Variants in SRRM4 observed in about 807,000 individuals in gnomAD.
SRRM4 encodes serine/arginine repetitive matrix 4.
A neutral mutation model predicts 68.9 loss-of-function variants in SRRM4; 33 were observed. That is an observed-to-expected ratio of 0.48 (90% CI 0.36 to 0.64). The LOEUF is 0.64. Ranked by LOEUF, SRRM4 falls within the 30% of genes least tolerant of loss-of-function variation. The pLI is 0.00. For missense variants in SRRM4, 817 were observed against 827.1 expected (o/e 0.99, Z 0.15); for synonymous variants, 318 against 318.8 (o/e 1.00, Z 0.03).
At chr12:119,123,693 A>T (rs1038167896) in intron 6 of SRRM4, among the ~76,000 whole-genome samples, 1 of 152,240 alleles carries the variant, frequency 6.6e-6, no homozygotes, top group African/African-American at 2.4e-5. Flanking sequence ...TTCAAGATAA[A>T]CGATGGCTTA....
intron 1 of SRRM4, among the ~76,000 whole-genome samples, chr12:119,052,730 G>A (rs576289872): frequency 1.6e-4 from 24 of 152,110 alleles, no homozygotes; most frequent in East Asian, 3.9e-4. Context: ...GGGTTTCACC[G>A]TGTTAGCCAG....
Position 119,145,245 on chromosome 12 carries a change from G to C in SRRM4, c.772-136G>C, listed in dbSNP as rs1954393606. 4 of 761,322 alleles carry C rather than the reference G, an allele frequency of 5.3e-6. 1 individual carries two copies. The highest frequency in any genetic ancestry group is 4.8e-5 in the South Asian group (2 of 41,854). The allele number at this position is 761,322 out of a possible 1,614,324, so 47.2% of individuals were successfully genotyped here. ...CAGGAATTTGTGCTTTTGTTTTTTGGCGTCTCTTCTTTCTTCTCCTCTCTC... is the reference window on the plus strand; with the variant it reads ...CAGGAATTTGTGCTTTTGTTTTTTGCCGTCTCTTCTTTCTTCTCCTCTCTC... On this transcript the variant is annotated intron_variant, in intron 8 of 12. Coordinates refer to ENST00000267260, the MANE Select transcript of SRRM4 (RefSeq NM_194286.4).
chr12:119,014,290 C>T (rs1168072718), intron 1 of SRRM4, among the ~76,000 whole-genome samples: 5 of 151,862 alleles, frequency 3.3e-5, no homozygotes, highest in Non-Finnish European at 7.4e-5. Context: ...TGTTTGTTTC[C>T]GATGAGTACA....
intron 1 of SRRM4, among the ~76,000 whole-genome samples, chr12:119,075,939 TGA>T (rs548718511): frequency 0.18 from 20,899 of 116,632 alleles, 1,634 homozygotes; most frequent in East Asian, 0.29. Context: ...GTGATGGTGA[TGA>T]TGATGGTGGT....
intron 2 of SRRM4, among the ~76,000 whole-genome samples, chr12:119,107,366 A>T (rs527785293): frequency 2.6e-5 from 4 of 152,038 alleles, no homozygotes; most frequent in Non-Finnish European, 5.9e-5. Context: ...CTCTTTTTCT[A>T]TTGATTGGAA....
chr12:119,117,974 T>C (rs1954192326), intron 4 of SRRM4, among the ~76,000 whole-genome samples: 1 of 152,210 alleles, frequency 6.6e-6, no homozygotes, highest in South Asian at 2.1e-4. Flanking sequence ...TTGTGGTTTA[T>C]GGCCCAAACC....
chr12:118,982,462 A>T (rs1489347091), intron 1 of SRRM4, among the ~76,000 whole-genome samples: 2 of 152,128 alleles, frequency 1.3e-5, no homozygotes, highest in Non-Finnish European at 2.9e-5. Context: ...CTCGGAAACT[A>T]GCGAGCTTTG....
chr12:118,986,603 C>T (rs781365614), intron 1 of SRRM4, among the ~76,000 whole-genome samples: 5 of 152,182 alleles, frequency 3.3e-5, no homozygotes, highest in Non-Finnish European at 5.9e-5. Flanking sequence ...GAAAGACGCA[C>T]ACACTGCAAA....
chr12:119,007,339 C>T (rs1294796343), intron 1 of SRRM4, among the ~76,000 whole-genome samples: 3 of 152,200 alleles, frequency 2.0e-5, no homozygotes, highest in Non-Finnish European at 4.4e-5. Flanking sequence ...TATTACTGCG[C>T]AGGAGAACAA....
At chr12:119,099,543 A>G (rs1396290630) in intron 1 of SRRM4, among the ~76,000 whole-genome samples, 2 of 152,262 alleles carry the variant, frequency 1.3e-5, no homozygotes, top group African/African-American at 4.8e-5. Flanking sequence ...TAACTGTGTA[A>G]CAAATTATTC....
At chr12:119,148,709 G>A (rs1371201931) in intron 9 of SRRM4, among the ~76,000 whole-genome samples, 1 of 152,158 alleles carries the variant, frequency 6.6e-6, no homozygotes, top group African/African-American at 2.4e-5. Flanking sequence ...CCCCCAAACA[G>A]GAACTAAAGC....
At chr12:119,051,084 T>C (rs1420716256) in intron 1 of SRRM4, among the ~76,000 whole-genome samples, 2 of 152,122 alleles carry the variant, frequency 1.3e-5, no homozygotes, top group Admixed American at 1.3e-4. Context: ...TTTTTGGTTG[T>C]CACAACTGAG....
rs942898464 is a variant in SRRM4, at chr12:118,988,119, G to A, written c.131+6106G>A. Among the ~76,000 whole-genome samples, 44 of 148,044 alleles carry A rather than the reference G, an allele frequency of 3.0e-4. 1 individual carries two copies. Among genetic ancestry groups the A allele is most frequent in the Non-Finnish European group, 7.6e-5 (5 of 65,954 alleles). On this transcript the variant is annotated intron_variant, in intron 1 of 12. Coordinates refer to ENST00000267260, the MANE Select transcript of SRRM4 (RefSeq NM_194286.4). The stretch of plus-strand genomic sequence containing the variant: ...GATAATGTAGGGAGAAATAGAGACA[G>A]AGGAATGTAAAAAAAAAACAGCGAA...
At chr12:119,006,480 TCCTGGACTCC>T (rs1356631180) in intron 1 of SRRM4, among the ~76,000 whole-genome samples, 1 of 152,154 alleles carries the variant, frequency 6.6e-6, no homozygotes, top group African/African-American at 2.4e-5. Context: ...GAACCCAGCT[TCCTGGACTCC>T]CAGATAGTGC....
chr12:119,101,663 A>C (rs904283964), intron 1 of SRRM4, among the ~76,000 whole-genome samples: 1 of 152,138 alleles, frequency 6.6e-6, no homozygotes, highest in Non-Finnish European at 1.5e-5. Flanking sequence ...GGACCCAGAT[A>C]CTATAGCTAC....
rs75240048 is a variant in SRRM4, at chr12:119,113,168, A to G, written c.279-1110A>G. Among the ~76,000 whole-genome samples the G allele has an allele frequency of 2.5e-3, 375 of 152,340 alleles. 10 individuals carry two copies. The highest frequency in any genetic ancestry group is 0.017 in the Admixed American group (265 of 15,300). On this transcript the variant is annotated intron_variant, in intron 2 of 12. Coordinates refer to ENST00000267260, the MANE Select transcript of SRRM4 (RefSeq NM_194286.4). ...ATTTGCTGAAGATAGAGACCCTGGC[A>G]TATATTCTAACCATTTTATCATTCT...
intron 1 of SRRM4, among the ~76,000 whole-genome samples, chr12:119,096,175 C>A (rs1172159711): frequency 6.8e-6 from 1 of 146,328 alleles, no homozygotes; most frequent in Non-Finnish European, 1.5e-5. Context: ...TGCCCGCCAC[C>A]ACGCCCAGCT....
chr12:119,027,654 TG>T (rs925724371), intron 1 of SRRM4, among the ~76,000 whole-genome samples: 3 of 152,088 alleles, frequency 2.0e-5, no homozygotes, highest in Non-Finnish European at 4.4e-5. Context: ...ATAGATAACC[TG>T]GGGGGGCACT....
chr12:119,080,650 T>C (rs1199604532), intron 1 of SRRM4, among the ~76,000 whole-genome samples: 2 of 152,196 alleles, frequency 1.3e-5, no homozygotes, highest in African/African-American at 4.8e-5. Flanking sequence ...AGTTCCTTAG[T>C]CAAAATCACT....
Sources: gnomAD v4.1 joint callset for allele counts (sites outside exome capture counted in the v4.1 genomes callset) on GRCh38, gnomAD v4.1.1 for gene constraint, MANE v1.5 for transcripts, NCBI Gene and HGNC (gene_info 2026-07-23, HGNC 2026-07-21) for gene names.